The following LIFR variants were observed in gnomAD, a reference collection of about 807,000 sequenced individuals.
LIFR encodes leukemia inhibitory factor receptor.
In LIFR, 84 loss-of-function variants were observed where a neutral mutation model predicts 122.2. That is an observed-to-expected ratio of 0.69 (90% CI 0.58 to 0.82). LIFR has a LOEUF of 0.82. LIFR is among the 40% of genes least tolerant of loss of function. The pLI is 0.00. For synonymous variants in LIFR, 422 were observed against 434.7 expected (o/e 0.97, Z 0.36); for missense variants, 1,294 against 1,311.6 (o/e 0.99, Z 0.21).
rs1561151901 is a variant in LIFR, at chr5:38,504,184, A to ACAAATGAG, written c.1292-71_1292-64dup. The ACAAATGAG allele has an allele frequency of 8.8e-6, 10 of 1,130,962 alleles. No homozygotes were observed. In the South Asian group the frequency reaches 1.3e-4, roughly 15 times the overall value. The allele number at this position is 1,130,962 out of a possible 1,614,324, so 70.1% of individuals were successfully genotyped here. ...AAGGGAAAAACTATCTTCTAATATGACAAATGAGAAGAAAACATAAAAAAC... is the reference window on the plus strand; with the variant it reads ...AAGGGAAAAACTATCTTCTAATATGACAAATGAGCAAATGAGAAGAAAACATAAAAAAC... On this transcript the variant is annotated intron_variant, in intron 9 of 19. Transcript: ENST00000453190.
At chr5:38,598,686 T>C (rs1750168591), upstream of LIFR, among the ~76,000 whole-genome samples, 1 of 152,068 alleles carries the variant, frequency 6.6e-6, no homozygotes, top group Non-Finnish European at 1.5e-5. Flanking sequence ...CCTTCTCAGC[T>C]CCTCCACGAG....
chr5:38,502,667 T>G lies in LIFR; in HGVS notation c.1570A>C (p.Asn524His). Residue 524 changes from asparagine (N) to histidine (H), a missense_variant, in exon 11 of 20, where the codon AAT becomes CAT. Coordinates refer to ENST00000453190, the MANE Select transcript of LIFR (RefSeq NM_001127671.2). Reference protein sequence around the residue: ...ETFWKWSKWSNKKQHLTTEAS... With the variant: ...ETFWKWSKWSHKKQHLTTEAS... ...TCTGTTGTTAAATGTTGTTTTTTAT[T>G]GCTCCATTTGCTCCATTTCCAGAAA... 2 of 1,613,578 alleles carry G rather than the reference T, an allele frequency of 1.2e-6. No individual in the cohort carries two copies. The highest frequency in any genetic ancestry group is 1.7e-6 in the Non-Finnish European group (2 of 1,179,586).
intron 1 of LIFR, among the ~76,000 whole-genome samples, chr5:38,549,287 A>ACT: frequency 1.5e-5 from 2 of 137,930 alleles, no homozygotes; most frequent in South Asian, 2.4e-4. Context: ...ACACACACAC[A>ACT]CTCCATAAGC....
At position 38,474,796 on chromosome 5, in the gene LIFR, C is replaced by G. The variant is rs1335294359; in HGVS notation, c.*6799G>C. ...ACAGATGGATGTTACACCAATGGCA[C>G]AGCAATGTACTCAAATGTTAAAAAT... On this transcript the variant is annotated 3_prime_UTR_variant, in exon 20 of 20. Transcript: ENST00000453190. Among the ~76,000 whole-genome samples the G allele has an allele frequency of 6.6e-6, 1 of 152,116 alleles. No homozygotes were observed. The highest frequency in any genetic ancestry group is 2.4e-5 in the African/African-American group (1 of 41,436).
chr5:38,554,095 C>A (rs939826189), intron 1 of LIFR, among the ~76,000 whole-genome samples: 1 of 152,176 alleles, frequency 6.6e-6, no homozygotes, highest in Admixed American at 6.5e-5. Context: ...ATCAAAGGTA[C>A]AAGCTGCCTC....
At chr5:38,593,578 G>A (rs1322111237) in intron 1 of LIFR, among the ~76,000 whole-genome samples, 2 of 151,694 alleles carry the variant, frequency 1.3e-5, no homozygotes, top group Non-Finnish European at 2.9e-5. Flanking sequence ...GAAGAGGAGG[G>A]GGATAGACGG....
chr5:38,562,590 T>C (rs1458157657), intron 1 of LIFR, among the ~76,000 whole-genome samples: 1 of 152,208 alleles, frequency 6.6e-6, no homozygotes, highest in East Asian at 1.9e-4. Flanking sequence ...TTGAATGTAT[T>C]CCTATGCTAC....
At chr5:38,587,620 G>T (rs1219112983) in intron 1 of LIFR, among the ~76,000 whole-genome samples, 1 of 152,206 alleles carries the variant, frequency 6.6e-6, no homozygotes, top group Admixed American at 6.5e-5. Context: ...AGATGGTGGT[G>T]GTGGTGGTTG....
At chr5:38,488,118 G>C (rs992744766) in intron 16 of LIFR, among the ~76,000 whole-genome samples, 1 of 152,128 alleles carries the variant, frequency 6.6e-6, no homozygotes, top group African/African-American at 2.4e-5. Flanking sequence ...ATTTTAACTG[G>C]TTCAAGTGTA....
chr5:38,585,874 G>T (rs192168659), intron 1 of LIFR, among the ~76,000 whole-genome samples: 4 of 151,974 alleles, frequency 2.6e-5, no homozygotes, highest in African/African-American at 9.7e-5. Context: ...CTTGGAAGTT[G>T]CCAGAAATGA....
At chr5:38,548,878 A>C (rs1033543382) in intron 1 of LIFR, among the ~76,000 whole-genome samples, 1 of 152,246 alleles carries the variant, frequency 6.6e-6, no homozygotes, top group Non-Finnish European at 1.5e-5. Flanking sequence ...GATAAAACTT[A>C]CATAACACAA....
intron 1 of LIFR, among the ~76,000 whole-genome samples, chr5:38,571,306 C>T (rs1215763752): frequency 2.0e-5 from 3 of 152,138 alleles, no homozygotes; most frequent in Non-Finnish European, 4.4e-5. Context: ...AAGCCCAGCA[C>T]TTTGGGAGGC....
rs1743709194 is a variant in LIFR at position 38,476,107 on chromosome 5, T to C, written c.*5488A>G. Reference sequence around the variant, plus strand: ...CTAAATATTGTGTTGGAAGGAAAAATTAAATACAAGGAAACACTAGCTTAT... The same window carrying C: ...CTAAATATTGTGTTGGAAGGAAAAACTAAATACAAGGAAACACTAGCTTAT... On this transcript the variant is annotated 3_prime_UTR_variant, in exon 20 of 20. Coordinates refer to ENST00000453190, the MANE Select transcript of LIFR (RefSeq NM_001127671.2). The C allele has an allele frequency of 5.0e-6, 1 of 199,352 alleles. No individual in the cohort carries two copies. Among genetic ancestry groups the C allele is most frequent in the African/African-American group, 2.3e-5 (1 of 43,460 alleles). 12.3% of individuals were successfully genotyped at this position (199,352 alleles called of 1,614,324 possible). A position where few individuals can be genotyped will look rare whatever the true frequency, so the allele number is the denominator to read the frequency against.
intron 13 of LIFR, among the ~76,000 whole-genome samples, chr5:38,495,938 A>C (rs1416161259): frequency 1.3e-5 from 2 of 152,142 alleles, no homozygotes; most frequent in Non-Finnish European, 2.9e-5. Flanking sequence ...TCTATTAATA[A>C]GGAATTTCTT....
At position 38,481,900 on chromosome 5, in the gene LIFR, C is replaced by G; in HGVS notation, c.2989G>C (p.Gly997Arg). 2 of 1,614,120 alleles carry G rather than the reference C, an allele frequency of 1.2e-6. No individual in the cohort carries two copies. Among genetic ancestry groups the G allele is most frequent in the Non-Finnish European group, 8.5e-7 (1 of 1,179,996 alleles). Residue 997 changes from glycine (G) to arginine (R), a missense_variant, in exon 20 of 20, where the codon GGA (glycine) becomes CGA (arginine). Transcript: ENST00000453190. ...PEEEQENDPV[G>R]GAGYKPQMHL... ...ATCTGTGGCTTATAGCCTGCCCCTC[C>G]TACAGGGTCATTTTCTTGTTCTTCT...
chr5:38,536,050 C>T (rs749313855), intron 1 of LIFR, among the ~76,000 whole-genome samples: 1 of 152,162 alleles, frequency 6.6e-6, no homozygotes, highest in Non-Finnish European at 1.5e-5. Context: ...GACATCGTAT[C>T]TTTATCTTTG....
At chr5:38,540,956 C>A (rs1026998305) in intron 1 of LIFR, among the ~76,000 whole-genome samples, 1 of 152,100 alleles carries the variant, frequency 6.6e-6, no homozygotes, top group Non-Finnish European at 1.5e-5. Context: ...CAGATGTTGA[C>A]CAAAATGTGC....
intron 1 of LIFR, among the ~76,000 whole-genome samples, chr5:38,578,645 G>A (rs931305780): frequency 6.6e-5 from 10 of 151,514 alleles, no homozygotes; most frequent in Non-Finnish European, 1.3e-4. Context: ...TCTGCCTCCC[G>A]GGTTCAAGTG....
In LIFR at chr5:38,506,489, C is replaced by T. The variant is rs1745490269; in HGVS notation, c.1121+14G>A. 5 of 1,613,866 alleles carry T rather than the reference C, an allele frequency of 3.1e-6. No individual in the cohort carries two copies. The highest frequency in any genetic ancestry group is 1.3e-5 in the African/African-American group (1 of 74,928). On this transcript the variant is annotated intron_variant, in intron 8 of 19. Coordinates refer to ENST00000453190, the MANE Select transcript of LIFR (RefSeq NM_001127671.2). ...ACTCCTTGCCATCTGACATCTTTTC[C>T]CAGTTATCATTACCTTTCAACTAAA...
Sources: gnomAD v4.1 joint callset for allele counts (sites outside exome capture counted in the v4.1 genomes callset) on GRCh38, gnomAD v4.1.1 for gene constraint, MANE v1.5 for transcripts, NCBI Gene and HGNC (gene_info 2026-07-23, HGNC 2026-07-21) for gene names.